The following NFIA variants were observed in gnomAD, a reference collection of about 807,000 sequenced individuals.
NFIA encodes nuclear factor I A.
Under a neutral mutation model 62.8 loss-of-function variants are expected in NFIA, and 8 were observed. That is an observed-to-expected ratio of 0.13 (90% confidence interval 0.07 to 0.23). The LOEUF is 0.23. NFIA is among the 10% of genes least tolerant of loss of function. The probability of loss-of-function intolerance (pLI) is 1.00; values close to 1 mark genes in which losing one functional copy is unlikely to be tolerated. For synonymous variants in NFIA, 235 were observed against 238.1 expected (o/e 0.99, Z 0.12); for missense variants, 410 against 642.1 (o/e 0.64, Z 3.91).
chr1:61,386,668 A>G (rs1664702208), intron 7 of NFIA, among the ~76,000 whole-genome samples: 3 of 152,252 alleles, frequency 2.0e-5, no homozygotes, highest in African/African-American at 7.2e-5. Flanking sequence ...AACATAAGCT[A>G]CATTTGGAAA....
At chr1:61,276,571 C>G (rs1251030164) in intron 2 of NFIA, among the ~76,000 whole-genome samples, 1 of 152,162 alleles carries the variant, frequency 6.6e-6, no homozygotes, top group Non-Finnish European at 1.5e-5. Flanking sequence ...TAAACGACTT[C>G]AAGTCTCAGA....
intron 10 of NFIA, among the ~76,000 whole-genome samples, chr1:61,442,203 C>G (rs994882682): frequency 2.0e-5 from 3 of 152,210 alleles, no homozygotes; most frequent in South Asian, 2.1e-4. Flanking sequence ...GTTACTCCTC[C>G]CGGTGCCAGA....
intron 7 of NFIA, among the ~76,000 whole-genome samples, chr1:61,400,818 C>A (rs1019634043): frequency 2.6e-5 from 4 of 152,094 alleles, no homozygotes; most frequent in Non-Finnish European, 5.9e-5. Flanking sequence ...TTGATTTAAC[C>A]CCAGTGGCTC....
intron 2 of NFIA, among the ~76,000 whole-genome samples, chr1:61,255,159 A>T (rs753154877): frequency 1.3e-5 from 2 of 152,182 alleles, no homozygotes; most frequent in African/African-American, 2.4e-5. Flanking sequence ...GACTCAAAAG[A>T]GAAAAGAAAA....
chr1:61,347,301 G>A (rs1193837662), intron 4 of NFIA, among the ~76,000 whole-genome samples: 2 of 149,608 alleles, frequency 1.3e-5, no homozygotes, highest in East Asian at 4.1e-4. Context: ...AGCCTCCCGA[G>A]TAGCTGGGAC....
intron 3 of NFIA, among the ~76,000 whole-genome samples, chr1:61,290,091 T>C (rs1316250039): frequency 6.6e-6 from 1 of 151,982 alleles, no homozygotes; most frequent in Non-Finnish European, 1.5e-5. Flanking sequence ...ACTTTGTTCT[T>C]TTTTTCTACA....
At chr1:61,351,000 G>A (rs1003470728) in intron 4 of NFIA, among the ~76,000 whole-genome samples, 3 of 152,162 alleles carry the variant, frequency 2.0e-5, no homozygotes, top group Non-Finnish European at 1.5e-5. Flanking sequence ...TTACGATGGT[G>A]GGAAAGTGAC....
Position 61,404,188 on chromosome 1 carries a change from C to G in NFIA, c.1160C>G (p.Ala387Gly), listed in dbSNP as rs775027974. 6.2e-7 allele frequency: 1 copy of G among 1,614,224 alleles called. No homozygotes were observed. The highest frequency in any genetic ancestry group is 8.5e-7 in the Non-Finnish European group (1 of 1,180,034). Reference sequence around the variant, plus strand: ...CCTGGGCCTTACTTCTCACACCCAGCCATCCGCTATCACCCTCAGGAGACG... The same window carrying G: ...CCTGGGCCTTACTTCTCACACCCAGGCATCCGCTATCACCCTCAGGAGACG... ...QQPGPYFSHP[A>G]IRYHPQETLK... is the part of the protein sequence containing the mutation. The change falls in exon 8 of 11, where the codon GCC becomes GGC. Residue 387 changes from alanine (A) to glycine (G), a missense_variant. Coordinates refer to ENST00000403491, the MANE Select transcript of NFIA (RefSeq NM_001134673.4).
At position 61,461,761 on chromosome 1, in the gene NFIA, T is replaced by C. The variant is rs1311697406; in HGVS notation, c.*6441T>C. On this transcript the variant is annotated 3_prime_UTR_variant, in exon 11 of 11. Transcript: ENST00000403491. ...AAAATGTGTCTGAACCACAAGAGCA[T>C]ACAGTGGAAGTGCTACCTCTAATCT... 1 of 152,192 alleles carries C rather than the reference T, an allele frequency of 6.6e-6. No homozygotes were observed. The highest frequency in any genetic ancestry group is 1.5e-5 in the Non-Finnish European group (1 of 68,036). 9.4% of individuals were successfully genotyped at this position (152,192 alleles called of 1,614,324 possible). A position where few individuals can be genotyped will look rare whatever the true frequency, so the allele number is the denominator to read the frequency against.
chr1:61,455,358 T>C lies in NFIA; in HGVS notation c.*38T>C, dbSNP rs1200798665. 1 of 1,614,016 alleles carries C rather than the reference T, an allele frequency of 6.2e-7. No individual in the cohort carries two copies. Among genetic ancestry groups the C allele is most frequent in the Non-Finnish European group, 8.5e-7 (1 of 1,180,008 alleles). ...CCCACCATCCACCAGACAGACCACC[T>C]GACCCCTTCTCAACTCTGTAACATG... On this transcript the variant is annotated 3_prime_UTR_variant, in exon 11 of 11. Transcript: ENST00000403491.
chr1:61,239,939 A>G (rs1026663125), intron 2 of NFIA, among the ~76,000 whole-genome samples: 9 of 152,116 alleles, frequency 5.9e-5, no homozygotes, highest in Non-Finnish European at 1.3e-4. Flanking sequence ...TGGTAAGTGA[A>G]GCAGAACGAG....
intron 10 of NFIA, among the ~76,000 whole-genome samples, chr1:61,442,100 C>T (rs548308087): frequency 7.2e-5 from 11 of 152,128 alleles, no homozygotes; most frequent in Non-Finnish European, 1.5e-4. Context: ...TTCCTGGCTG[C>T]TTGCTTTGAG....
chr1:61,404,487 GT>G (rs1287909654), intron 8 of NFIA, among the ~76,000 whole-genome samples: 1 of 152,184 alleles, frequency 6.6e-6, no homozygotes, highest in African/African-American at 2.4e-5. Context: ...TTTGTGTTAA[GT>G]TTGCAACTGT....
chr1:61,451,209 C>T (rs1386242243), intron 10 of NFIA, among the ~76,000 whole-genome samples: 3 of 152,138 alleles, frequency 2.0e-5, no homozygotes, highest in Admixed American at 6.5e-5. Context: ...ATTCCAGAAT[C>T]CCAGCGGAAT....
At chr1:61,453,140 T>C (rs2100591304) in intron 10 of NFIA, among the ~76,000 whole-genome samples, 1 of 152,214 alleles carries the variant, frequency 6.6e-6, no homozygotes, top group South Asian at 2.1e-4. Flanking sequence ...GTGTAGGTCA[T>C]AAATTAGGCA....
chr1:61,119,165 C>G (rs370362406), intron 2 of NFIA, among the ~76,000 whole-genome samples: 1 of 152,214 alleles, frequency 6.6e-6, no homozygotes, highest in East Asian at 1.9e-4. Flanking sequence ...AATATTTGCA[C>G]GTATAATTGG....
chr1:61,421,288 A>G (rs991127460), intron 9 of NFIA, among the ~76,000 whole-genome samples: 2 of 152,178 alleles, frequency 1.3e-5, no homozygotes, highest in African/African-American at 4.8e-5. Flanking sequence ...TCGCCTTTGC[A>G]TCCTCCATAG....
At chr1:61,239,114 C>T (rs1000495558) in intron 2 of NFIA, among the ~76,000 whole-genome samples, 1 of 152,106 alleles carries the variant, frequency 6.6e-6, no homozygotes, top group African/African-American at 2.4e-5. Context: ...ATATCCTGTT[C>T]AGGATTTCTC....
intron 2 of NFIA, among the ~76,000 whole-genome samples, chr1:61,095,653 C>CTGTCACTGTTACTTGTT (rs2100426430): frequency 6.6e-6 from 1 of 152,302 alleles, no homozygotes; most frequent in South Asian, 2.1e-4. Context: ...AATGATGTTA[C>CTGTCACTGTTACTTGTT]ACTTGTCACT....
Sources: gnomAD v4.1 joint callset for allele counts (sites outside exome capture counted in the v4.1 genomes callset) on GRCh38, gnomAD v4.1.1 for gene constraint, MANE v1.5 for transcripts, NCBI Gene and HGNC (gene_info 2026-07-23, HGNC 2026-07-21) for gene names.